CLIC5: variants seen among roughly 807,000 people sequenced by gnomAD.
CLIC5 encodes the protein CLIC family member 5, also known as chloride intracellular channel protein 5.
A neutral mutation model predicts 24.7 loss-of-function variants in CLIC5; 20 were observed. That is an observed-to-expected ratio of 0.81 (90% CI 0.57 to 1.18). CLIC5 has a LOEUF of 1.18. Among genes scored for constraint, CLIC5 ranks in the 50% most tolerant of loss-of-function variants. CLIC5 has a pLI of 0.00. For synonymous variants in CLIC5, 159 were observed against 135.6 expected, an observed-to-expected ratio of 1.17 and a Z score of -1.20; for missense variants, 341 against 326.1, an observed-to-expected ratio of 1.05 and a Z score of -0.35.
At chr6:46,106,771 C>G in the CLIC5 span, among the ~76,000 whole-genome samples, 1 of 152,224 alleles carries the variant, frequency 6.6e-6, no homozygotes. Flanking sequence ...GCTAAATCCT[C>G]TTTCTCTGTG....
intron 1 of CLIC5, among the ~76,000 whole-genome samples, chr6:45,971,915 T>C (rs1021553746): frequency 6.6e-6 from 1 of 152,198 alleles, no homozygotes; most frequent in Non-Finnish European, 1.5e-5. Context: ...TTAGCTCTTA[T>C]GGACCTTTCT....
chr6:46,080,140 C>A, exon 1 of CLIC5: 2 of 1,551,644 alleles, frequency 1.3e-6, no homozygotes, highest in South Asian at 1.2e-5. Context: ...TCATGGACAT[C>A]ATCATAATGG....
rs116805564 is a variant in CLIC5 at position 45,924,952 on chromosome 6, G to A, written c.407-10543C>T. On this transcript the variant is annotated intron_variant, in intron 4 of 5. Coordinates refer to ENST00000339561, the MANE Select transcript of CLIC5 (RefSeq NM_016929.5). ...GGCTGGCATTGTCTGGAATGCGGAT[G>A]TGATGTTTGGGGGTGGAGCAACCAT... Among the ~76,000 whole-genome samples, 318 of 152,268 alleles carry A rather than the reference G, an allele frequency of 2.1e-3. 3 individuals carry two copies. Among genetic ancestry groups the A allele is most frequent in the African/African-American group, 7.5e-3 (310 of 41,550 alleles).
intron 1 of CLIC5, among the ~76,000 whole-genome samples, chr6:45,986,349 G>A (rs866743024): frequency 6.6e-6 from 1 of 152,188 alleles, no homozygotes; most frequent in South Asian, 2.1e-4. Context: ...GGAGCACTAG[G>A]TTAGGAGTCA....
At chr6:45,935,347 A>T (rs933007914) in intron 4 of CLIC5, among the ~76,000 whole-genome samples, 9 of 152,208 alleles carry the variant, frequency 5.9e-5, no homozygotes, top group Non-Finnish European at 1.2e-4. Context: ...TGGCTTGCAG[A>T]AGGTGGAGGC....
intron 5 of CLIC5, among the ~76,000 whole-genome samples, chr6:45,905,782 T>C (rs768309663): frequency 5.9e-5 from 9 of 152,160 alleles, no homozygotes; most frequent in Non-Finnish European, 1.2e-4. Flanking sequence ...TGTAACTTCA[T>C]CATAAATTAC....
chr6:45,952,041 G>GT (rs1285373518), intron 2 of CLIC5, among the ~76,000 whole-genome samples: 5 of 152,168 alleles, frequency 3.3e-5, no homozygotes, highest in African/African-American at 1.2e-4. Context: ...ATTTGCTCCT[G>GT]TTTTTTAGAG....
chr6:46,081,229 GC>G (rs1197574314), upstream of CLIC5, among the ~76,000 whole-genome samples: 1 of 152,144 alleles, frequency 6.6e-6, no homozygotes, highest in Non-Finnish European at 1.5e-5. Context: ...GAATATGTGT[GC>G]CCCCCAAATT....
At chr6:45,958,443 T>TACACACACACAC (rs1283521914) in intron 1 of CLIC5, among the ~76,000 whole-genome samples, 2 of 55,640 alleles carry the variant, frequency 3.6e-5, no homozygotes, top group African/African-American at 1.2e-4. Flanking sequence ...TATATATATA[T>TACACACACACAC]ATATATATAT....
At chr6:45,996,613 C>G (rs1425910648) in intron 1 of CLIC5, among the ~76,000 whole-genome samples, 1 of 152,248 alleles carries the variant, frequency 6.6e-6, no homozygotes, top group East Asian at 1.9e-4. Context: ...AATCCTTTCC[C>G]CATTGCTTGT....
intron 1 of CLIC5, among the ~76,000 whole-genome samples, chr6:45,974,990 C>T (rs958477443): frequency 1.3e-5 from 2 of 152,118 alleles, no homozygotes. Flanking sequence ...TTTTGAATTT[C>T]AGGATTACAG....
chr6:46,027,515 C>T lies in CLIC5; in HGVS notation c.540+52188G>A, dbSNP rs562511818. ...TTCAACCTTTGTAGTTTCAATACAT[C>T]GTTGGAGAAAATCTGCCCAGAAGTT... On this transcript the variant is annotated intron_variant, in intron 1 of 5. Coordinates refer to the CLIC5 transcript ENST00000185206. 9.8e-4 allele frequency among the ~76,000 whole-genome samples: 149 copies of T among 152,298 alleles called. 1 individual carries two copies. Among genetic ancestry groups the T allele is most frequent in the Middle Eastern group, 3.4e-3 (1 of 294 alleles).
At chr6:46,042,537 AG>A (rs1462010217) in intron 1 of CLIC5, among the ~76,000 whole-genome samples, 4 of 152,114 alleles carry the variant, frequency 2.6e-5, no homozygotes, top group African/African-American at 9.6e-5. Context: ...TTCATACTCC[AG>A]CACGTCACAC....
chr6:46,063,898 C>G (rs944490631), intron 1 of CLIC5, among the ~76,000 whole-genome samples: 1 of 152,178 alleles, frequency 6.6e-6, no homozygotes, highest in Non-Finnish European at 1.5e-5. Flanking sequence ...TGTCACTTAA[C>G]TATATCCCAG....
At chr6:46,099,009 A>C in the CLIC5 span, among the ~76,000 whole-genome samples, 4 of 152,222 alleles carry the variant, frequency 2.6e-5, no homozygotes, top group Non-Finnish European at 5.9e-5. Flanking sequence ...GGAGCACAGA[A>C]GGCACTACTT....
intron 1 of CLIC5, among the ~76,000 whole-genome samples, chr6:46,055,752 T>G (rs976339173): frequency 4.6e-5 from 7 of 152,188 alleles, no homozygotes; most frequent in Non-Finnish European, 1.0e-4. Context: ...GTGTGAGATG[T>G]GAAGTGTTCA....
chr6:46,028,061 C>T (rs1357473749), intron 1 of CLIC5, among the ~76,000 whole-genome samples: 7 of 152,200 alleles, frequency 4.6e-5, no homozygotes, highest in African/African-American at 1.2e-4. Context: ...CGCAAAGTCA[C>T]TGCATCAATG....
Position 46,061,333 on chromosome 6 carries a change from G to C in CLIC5, c.540+18370C>G, listed in dbSNP as rs186178243. 7.0e-3 allele frequency among the ~76,000 whole-genome samples: 1,072 copies of C among 152,276 alleles called. 5 individuals are homozygous for C. Among genetic ancestry groups the C allele is most frequent in the Non-Finnish European group, 0.011 (756 of 68,020 alleles). On this transcript the variant is annotated intron_variant, in intron 1 of 5. Transcript: ENST00000185206. ...GCCACCCAAGTAGCTGGGACTACAG[G>C]CATGCACCACCATGCCTGGCTGATG...
At chr6:46,056,919 C>T (rs974923700) in intron 1 of CLIC5, among the ~76,000 whole-genome samples, 3 of 152,184 alleles carry the variant, frequency 2.0e-5, no homozygotes, top group Non-Finnish European at 4.4e-5. Flanking sequence ...CTCCTCACCC[C>T]CCAAAAAGAC....
Sources: gnomAD v4.1 joint callset for allele counts (sites outside exome capture counted in the v4.1 genomes callset) on GRCh38, gnomAD v4.1.1 for gene constraint, MANE v1.5 for transcripts, NCBI Gene and HGNC (gene_info 2026-07-23, HGNC 2026-07-21) for gene names.